CNTN5: variants seen among roughly 807,000 people sequenced by gnomAD.
The protein encoded by CNTN5 is contactin-5.
A neutral mutation model predicts 129.1 loss-of-function variants in CNTN5; 77 were observed. The ratio of observed to expected loss-of-function variants is 0.60; its 90% CI spans 0.50 to 0.72. CNTN5 has a LOEUF of 0.72. Ranked by LOEUF, CNTN5 falls within the 30% of genes least tolerant of loss-of-function variation. The probability of loss-of-function intolerance (pLI) is 0.00; values close to 1 mark genes in which losing one functional copy is unlikely to be tolerated. For missense variants in CNTN5, 1,478 were observed against 1,328.8 expected, an observed-to-expected ratio of 1.11 and a Z score of -1.75; for synonymous variants, 509 against 465.6, an observed-to-expected ratio of 1.09 and a Z score of -1.20.
intron 1 of CNTN5, among the ~76,000 whole-genome samples, chr11:99,177,379 A>G (rs1277046231): frequency 6.6e-6 from 1 of 152,214 alleles, no homozygotes; most frequent in African/African-American, 2.4e-5. Flanking sequence ...CACCCAGTAA[A>G]TATTTGTTGA....
At chr11:99,036,138 T>G (rs941367215) in intron 1 of CNTN5, among the ~76,000 whole-genome samples, 1 of 152,110 alleles carries the variant, frequency 6.6e-6, no homozygotes, top group Non-Finnish European at 1.5e-5. Flanking sequence ...GCCCATGGCT[T>G]ATTTTTTCAC....
At chr11:100,161,486 A>G (rs1947443141) in intron 13 of CNTN5, among the ~76,000 whole-genome samples, 1 of 151,868 alleles carries the variant, frequency 6.6e-6, no homozygotes. Context: ...AGTATACTGA[A>G]AGATATTTTC....
At chr11:99,380,784 A>AG (rs34437728) in intron 2 of CNTN5, among the ~76,000 whole-genome samples, 1 of 146,940 alleles carries the variant, frequency 6.8e-6, no homozygotes, top group Non-Finnish European at 1.5e-5. Flanking sequence ...AAAAAAAAAA[A>AG]AAGAAAAGAA....
intron 1 of CNTN5, among the ~76,000 whole-genome samples, chr11:99,237,746 A>G (rs1445190225): frequency 6.6e-6 from 1 of 152,234 alleles, no homozygotes; most frequent in Non-Finnish European, 1.5e-5. Context: ...CAAAAATTTA[A>G]AAATAAAAAC....
chr11:100,052,377 T>C (rs1943006725), intron 9 of CNTN5, among the ~76,000 whole-genome samples: 1 of 151,758 alleles, frequency 6.6e-6, no homozygotes, highest in Non-Finnish European at 1.5e-5. Context: ...ATAATAATTA[T>C]GGCTTTGAGA....
At chr11:99,576,308 T>A (rs546174736) in intron 3 of CNTN5, among the ~76,000 whole-genome samples, 11 of 152,132 alleles carry the variant, frequency 7.2e-5, no homozygotes, top group Non-Finnish European at 1.5e-4. Flanking sequence ...TGAAGACCCA[T>A]CAAGAACCTC....
intron 6 of CNTN5, among the ~76,000 whole-genome samples, chr11:99,865,832 G>A (rs1202770092): frequency 6.6e-6 from 1 of 152,188 alleles, no homozygotes; most frequent in East Asian, 1.9e-4. Context: ...ATAAGTAGCT[G>A]TAACCTGGTT....
chr11:99,502,187 CT>C, intron 2 of CNTN5, among the ~76,000 whole-genome samples: 1 of 152,308 alleles, frequency 6.6e-6, no homozygotes, highest in Admixed American at 6.5e-5. Flanking sequence ...TATCAACAGT[CT>C]GTATTGTAGA....
chr11:99,831,975 T>C (rs1001126347), intron 4 of CNTN5, among the ~76,000 whole-genome samples: 1 of 152,168 alleles, frequency 6.6e-6, no homozygotes, highest in Non-Finnish European at 1.5e-5. Flanking sequence ...CAACTTCCAA[T>C]GGCCAACCAC....
At chr11:99,037,389 A>T (rs1256188119) in intron 1 of CNTN5, among the ~76,000 whole-genome samples, 1 of 152,046 alleles carries the variant, frequency 6.6e-6, no homozygotes, top group Admixed American at 6.6e-5. Context: ...TCCATTAAGG[A>T]GTTCTATAAC....
intron 1 of CNTN5, among the ~76,000 whole-genome samples, chr11:99,291,926 T>A (rs1864187290): frequency 1.3e-5 from 2 of 152,046 alleles, no homozygotes; most frequent in Non-Finnish European, 2.9e-5. Flanking sequence ...AAAATTTGAA[T>A]CATGCTGTGA....
At chr11:100,066,809 C>T (rs1292183245) in intron 10 of CNTN5, among the ~76,000 whole-genome samples, 40 of 138,124 alleles carry the variant, frequency 2.9e-4, no homozygotes, top group Admixed American at 9.1e-4. Context: ...AGCCAATGCC[C>T]TTTAGTTACT....
chr11:99,028,798 A>G (rs1002635853), intron 1 of CNTN5, among the ~76,000 whole-genome samples: 3 of 151,894 alleles, frequency 2.0e-5, no homozygotes, highest in Non-Finnish European at 4.4e-5. Flanking sequence ...ATGTAGTATG[A>G]TATATTAATG....
At chr11:100,080,119 T>C (rs149871696) in intron 13 of CNTN5, among the ~76,000 whole-genome samples, 2 of 152,196 alleles carry the variant, frequency 1.3e-5, no homozygotes, top group Admixed American at 1.3e-4. Context: ...TAGAATGTCA[T>C]ATATGTTTAA....
Position 100,021,627 on chromosome 11 carries a change from C to T in CNTN5, c.980+19491C>T, listed in dbSNP as rs115778900. Among the ~76,000 whole-genome samples the T allele has an allele frequency of 6.6e-3, 1,004 of 152,190 alleles. 9 individuals carry two copies. The highest frequency in any genetic ancestry group is 0.022 in the African/African-American group (917 of 41,510). ...ACTTTGTCTGATATTAATACAGATA[C>T]TTCAGCTTTCTCTTTGAGGGACAGA... On this transcript the variant is annotated intron_variant, in intron 9 of 24. Transcript: ENST00000524871.
intron 3 of CNTN5, among the ~76,000 whole-genome samples, chr11:99,769,713 C>G (rs1318417302): frequency 1.3e-5 from 2 of 151,506 alleles, no homozygotes; most frequent in African/African-American, 4.8e-5. Context: ...ACTTCGGAGG[C>G]TGAGGTGGGA....
chr11:99,715,198 AAG>A (rs1445783349), intron 3 of CNTN5, among the ~76,000 whole-genome samples: 2 of 152,160 alleles, frequency 1.3e-5, no homozygotes, highest in Admixed American at 6.6e-5. Context: ...AGCTGAATAA[AAG>A]AGAGTGAAAT....
chr11:100,185,315 C>A (rs1565323389), intron 13 of CNTN5, among the ~76,000 whole-genome samples: 1 of 152,036 alleles, frequency 6.6e-6, no homozygotes, highest in Non-Finnish European at 1.5e-5. Context: ...TAGCTTTTTG[C>A]AACTATTGTG....
intron 9 of CNTN5, among the ~76,000 whole-genome samples, chr11:100,030,118 T>A (rs1941631297): frequency 6.6e-6 from 1 of 152,118 alleles, no homozygotes; most frequent in African/African-American, 2.4e-5. Flanking sequence ...CTTACACCTG[T>A]AATCCCAGCA....
Sources: gnomAD v4.1 joint callset for allele counts (sites outside exome capture counted in the v4.1 genomes callset) on GRCh38, gnomAD v4.1.1 for gene constraint, MANE v1.5 for transcripts, NCBI Gene and HGNC (gene_info 2026-07-23, HGNC 2026-07-21) for gene names.